Variants in SHROOM3 observed in about 807,000 individuals in gnomAD.
The protein encoded by SHROOM3 is protein Shroom3.
Under a neutral mutation model 138.6 loss-of-function variants are expected in SHROOM3, and 47 were observed. That is an observed-to-expected ratio of 0.34 (90% confidence interval 0.27 to 0.43). The LOEUF is 0.43. Among genes scored for constraint, SHROOM3 ranks in the 20% least tolerant of loss-of-function variants. The probability of loss-of-function intolerance (pLI) is 1.00; values close to 1 mark genes in which losing one functional copy is unlikely to be tolerated. For missense variants in SHROOM3, 2,491 were observed against 2,596.5 expected (o/e 0.96, Z 0.88); for synonymous variants, 1,062 against 1,063.3 (o/e 1.00, Z 0.02).
Position 76,739,659 on chromosome 4 carries a change from G to A in SHROOM3, c.1486G>A (p.Ala496Thr), listed in dbSNP as rs1721184289. ...SSNGMLYPAL[A>T]KESGYIAPQG... ...CAACGGTATGCTCTACCCTGCACTG[G>A]CCAAGGAGAGTGGATACATAGCCCC... Residue 496 changes from alanine (A) to threonine (T), a missense_variant, in exon 5 of 11, where the codon GCC (alanine) becomes ACC (threonine). By Grantham distance (58) the Ala-to-Thr change is moderately conservative. Transcript: ENST00000296043. 6.2e-7 allele frequency: 1 copy of A among 1,614,012 alleles called. No individual in the cohort carries two copies.
rs1482974458 is a variant in SHROOM3, at chr4:76,717,988, G to A, written c.455+7701G>A. 3.3e-5 allele frequency among the ~76,000 whole-genome samples: 5 copies of A among 152,132 alleles called. No individual in the cohort carries two copies. In the East Asian group the frequency reaches 5.8e-4, roughly 18 times the overall value. On this transcript the variant is annotated intron_variant, in intron 3 of 10. Coordinates refer to ENST00000296043, the MANE Select transcript of SHROOM3 (RefSeq NM_020859.4). ...CTCCAGAATTATGCTAAATGTCAGC[G>A]CTTGCTTCTATAGATGCCTTTACTT...
intron 1 of SHROOM3, among the ~76,000 whole-genome samples, chr4:76,470,863 T>G (rs962990170): frequency 3.3e-5 from 5 of 152,182 alleles, no homozygotes; most frequent in African/African-American, 1.2e-4. Context: ...CATCTCTGTG[T>G]GCCATAAATG....
rs149174612 is a variant in SHROOM3, at chr4:76,485,128, C to T, written c.168+48908C>T. ...AGATTATCTCAAGATTCAGAAGCTG[C>T]GATGTTAAATTAGGGGTCAACTGTC... On this transcript the variant is annotated intron_variant, in intron 1 of 10. Coordinates refer to ENST00000296043, the MANE Select transcript of SHROOM3 (RefSeq NM_020859.4). Among the ~76,000 whole-genome samples, 586 of 152,278 alleles carry T rather than the reference C, an allele frequency of 3.8e-3. 4 individuals carry two copies. The highest frequency in any genetic ancestry group is 0.013 in the African/African-American group (549 of 41,570).
intron 1 of SHROOM3, among the ~76,000 whole-genome samples, chr4:76,516,718 C>T (rs894366954): frequency 6.6e-6 from 1 of 152,176 alleles, no homozygotes; most frequent in Admixed American, 6.5e-5. Context: ...CCAATAACTA[C>T]ACTTAAGTTG....
intron 2 of SHROOM3, among the ~76,000 whole-genome samples, chr4:76,647,087 A>G (rs1735838818): frequency 6.6e-6 from 1 of 152,242 alleles, no homozygotes; most frequent in Non-Finnish European, 1.5e-5. Context: ...ATAAAAAAGA[A>G]TGAAATCATG....
At chr4:76,761,191 A>C (rs1453769650) in intron 9 of SHROOM3, among the ~76,000 whole-genome samples, 9 of 151,356 alleles carry the variant, frequency 5.9e-5, no homozygotes, top group Non-Finnish European at 1.0e-4. Flanking sequence ...TTTCCTTCCA[A>C]CCCTCTTTTA....
chr4:76,526,085 C>T (rs527322972), intron 1 of SHROOM3, among the ~76,000 whole-genome samples: 53 of 152,236 alleles, frequency 3.5e-4, no homozygotes, highest in African/African-American at 1.2e-3. Context: ...AAATAAATGT[C>T]GGCCAGGTGC....
intron 1 of SHROOM3, among the ~76,000 whole-genome samples, chr4:76,471,753 T>TA (rs1177716103): frequency 6.6e-6 from 1 of 152,172 alleles, no homozygotes; most frequent in Non-Finnish European, 1.5e-5. Context: ...TTTGAACACT[T>TA]ACTGCTCCCA....
At chr4:76,527,012 C>T (rs1243055064) in intron 1 of SHROOM3, among the ~76,000 whole-genome samples, 1 of 152,148 alleles carries the variant, frequency 6.6e-6, no homozygotes, top group Non-Finnish European at 1.5e-5. Context: ...GTTCCAGCCA[C>T]CCGATCGGAG....
intron 1 of SHROOM3, among the ~76,000 whole-genome samples, chr4:76,441,012 T>C (rs1316304306): frequency 6.6e-6 from 1 of 151,830 alleles, no homozygotes; most frequent in Non-Finnish European, 1.5e-5. Context: ...TTCCATTCTT[T>C]ATCTATGGAG....
At chr4:76,566,138 A>G (rs1277190355) in intron 2 of SHROOM3, among the ~76,000 whole-genome samples, 3 of 152,080 alleles carry the variant, frequency 2.0e-5, no homozygotes, top group Non-Finnish European at 4.4e-5. Context: ...AAATCAAGAA[A>G]AAACAATGGA....
Position 76,781,064 on chromosome 4 carries a change from C to T in SHROOM3, c.*1887C>T, listed in dbSNP as rs1441160395. The T allele has an allele frequency of 6.6e-6, 1 of 152,162 alleles. No individual in the cohort carries two copies. Among genetic ancestry groups the T allele is most frequent in the Non-Finnish European group, 1.5e-5 (1 of 68,042 alleles). 9.4% of individuals were successfully genotyped at this position (152,162 alleles called of 1,614,324 possible). A position where few individuals can be genotyped will look rare whatever the true frequency, so the allele number is the denominator to read the frequency against. On this transcript the variant is annotated 3_prime_UTR_variant, in exon 11 of 11. Transcript: ENST00000296043. ...GGGGCTCCCAGTTCCCAACACTCTT[C>T]GAGATGACCATTTTTCGGGATTTGA...
At chr4:76,629,671 G>A (rs898080225) in intron 2 of SHROOM3, among the ~76,000 whole-genome samples, 3 of 152,132 alleles carry the variant, frequency 2.0e-5, no homozygotes, top group African/African-American at 4.8e-5. Context: ...TTTGAAGGTC[G>A]AAACAACAGT....
At chr4:76,522,240 G>C (rs1419175774) in intron 1 of SHROOM3, among the ~76,000 whole-genome samples, 1 of 146,466 alleles carries the variant, frequency 6.8e-6, no homozygotes, top group Non-Finnish European at 1.5e-5. Flanking sequence ...TTTATTATAT[G>C]CTATATATTA....
At chr4:76,724,804 ACT>A (rs1398295000) in intron 3 of SHROOM3, among the ~76,000 whole-genome samples, 1 of 152,198 alleles carries the variant, frequency 6.6e-6, no homozygotes, top group African/African-American at 2.4e-5. Context: ...GATATACCAC[ACT>A]GAGTTAACTA....
intron 2 of SHROOM3, chr4:76,638,754 CT>C (rs1382023458): frequency 6.6e-6 from 1 of 152,134 alleles, no homozygotes; most frequent in African/African-American, 2.4e-5. Flanking sequence ...GGCAAGGTAG[CT>C]AATATTTTTC....
intron 1 of SHROOM3, among the ~76,000 whole-genome samples, chr4:76,485,635 T>C (rs1731713611): frequency 6.6e-6 from 1 of 152,182 alleles, no homozygotes; most frequent in Admixed American, 6.5e-5. Context: ...TTACAGAATG[T>C]TGGCTGGGCT....
chr4:76,732,782 AC>A (rs1466063165), intron 4 of SHROOM3, among the ~76,000 whole-genome samples: 1 of 152,074 alleles, frequency 6.6e-6, no homozygotes, highest in African/African-American at 2.4e-5. Flanking sequence ...ATCTCCCCTT[AC>A]CCCTACGGTG....
intron 10 of SHROOM3, among the ~76,000 whole-genome samples, chr4:76,778,053 G>C (rs1364447357): frequency 6.6e-6 from 1 of 152,128 alleles, no homozygotes; most frequent in Non-Finnish European, 1.5e-5. Context: ...TGGAAGGCTT[G>C]TTAAAACAGG....
Sources: allele counts gnomAD v4.1 joint callset (sites outside exome capture counted in the v4.1 genomes callset), GRCh38; gene constraint gnomAD v4.1.1; transcripts MANE v1.5; gene names NCBI Gene and HGNC (gene_info 2026-07-23, HGNC 2026-07-21).